CADM2: variants seen among roughly 807,000 people sequenced by gnomAD.
CADM2 encodes immunoglobulin superfamily member 4D.
In CADM2, 12 loss-of-function variants were observed where a neutral mutation model predicts 49.8. The ratio of observed to expected loss-of-function variants is 0.24; its 90% CI spans 0.15 to 0.39. The LOEUF is 0.39. CADM2 is among the 10% of genes least tolerant of loss of function. The probability of loss-of-function intolerance (pLI) is 1.00; values close to 1 mark genes in which losing one functional copy is unlikely to be tolerated. For synonymous variants in CADM2, 214 were observed against 175.4 expected (o/e 1.22, Z -1.74); for missense variants, 378 against 492.3 (o/e 0.77, Z 2.20).
At chr3:85,348,409 C>G (rs1375907304) in intron 1 of CADM2, among the ~76,000 whole-genome samples, 2 of 152,170 alleles carry the variant, frequency 1.3e-5, no homozygotes, top group South Asian at 4.1e-4. Flanking sequence ...TGACCATTGA[C>G]TAAATATCTG....
chr3:85,899,687 A>C (rs953034044), intron 5 of CADM2, among the ~76,000 whole-genome samples: 2 of 152,150 alleles, frequency 1.3e-5, no homozygotes, highest in East Asian at 1.9e-4. Flanking sequence ...ACAGTATTTG[A>C]CTAGGAATTA....
chr3:85,057,306 AT>A (rs147631348), intron 1 of CADM2, among the ~76,000 whole-genome samples: 7,821 of 150,722 alleles, frequency 0.052, 252 homozygotes, highest in African/African-American at 0.076. Context: ...CATTTTCAGA[AT>A]TTTTTTTTTG....
chr3:85,850,628 T>C (rs2075071228), intron 3 of CADM2, among the ~76,000 whole-genome samples: 1 of 152,114 alleles, frequency 6.6e-6, no homozygotes, highest in East Asian at 1.9e-4. Flanking sequence ...GCACCCAGCC[T>C]CAATTCTTGT....
chr3:85,919,590 T>C (rs1311822995), intron 6 of CADM2, among the ~76,000 whole-genome samples: 1 of 151,968 alleles, frequency 6.6e-6, no homozygotes, highest in Non-Finnish European at 1.5e-5. Flanking sequence ...CCTGACCTTC[T>C]TGATGATTAT....
At chr3:85,316,831 G>A (rs1576338319) in intron 1 of CADM2, among the ~76,000 whole-genome samples, 1 of 152,210 alleles carries the variant, frequency 6.6e-6, no homozygotes, top group East Asian at 1.9e-4. Context: ...GCGCGTACAT[G>A]CAGCTAATCT....
intron 3 of CADM2, among the ~76,000 whole-genome samples, chr3:85,834,739 G>GA (rs61595691): frequency 0.11 from 15,883 of 140,274 alleles, 890 homozygotes; most frequent in South Asian, 0.13. Context: ...TCTTCTTGGG[G>GA]AAAAAAAAAA....
chr3:85,229,254 A>T (rs1302599089), intron 1 of CADM2, among the ~76,000 whole-genome samples: 3 of 152,162 alleles, frequency 2.0e-5, no homozygotes, highest in Admixed American at 2.0e-4. Context: ...CTCGGTGGCC[A>T]TGGGACCCGC....
intron 8 of CADM2, among the ~76,000 whole-genome samples, chr3:86,057,433 T>C (rs1373768064): frequency 6.6e-6 from 1 of 152,142 alleles, no homozygotes; most frequent in African/African-American, 2.4e-5. Context: ...TATAATTTAG[T>C]ATTATGAAGG....
intron 2 of CADM2, among the ~76,000 whole-genome samples, chr3:85,754,279 T>G (rs561401231): frequency 1.3e-5 from 2 of 152,264 alleles, no homozygotes; most frequent in African/African-American, 2.4e-5. Context: ...GAGACTGCCA[T>G]TCCCTGACAC....
intron 1 of CADM2, among the ~76,000 whole-genome samples, chr3:85,036,142 G>T (rs899278402): frequency 6.6e-6 from 1 of 152,002 alleles, no homozygotes; most frequent in African/African-American, 2.4e-5. Context: ...ACCTATGCTT[G>T]GTTTTTGTTT....
intron 1 of CADM2, among the ~76,000 whole-genome samples, chr3:85,697,051 C>T (rs1488140221): frequency 8.1e-6 from 1 of 123,018 alleles, no homozygotes; most frequent in Non-Finnish European, 1.7e-5. Context: ...TGCCATAGCA[C>T]TACCCTACTG....
At chr3:85,034,205 A>C (rs2107338103) in intron 1 of CADM2, among the ~76,000 whole-genome samples, 1 of 152,252 alleles carries the variant, frequency 6.6e-6, no homozygotes. Context: ...TTGTGCTGTC[A>C]AATGCTAGGT....
intron 1 of CADM2, among the ~76,000 whole-genome samples, chr3:85,423,297 G>A (rs904281784): frequency 3.4e-4 from 51 of 152,080 alleles, no homozygotes; most frequent in Non-Finnish European, 1.6e-4. Context: ...CAGGGGAGGG[G>A]TGGTGGTGCG....
chr3:85,723,940 T>C (rs2067597179), intron 1 of CADM2, among the ~76,000 whole-genome samples: 2 of 152,050 alleles, frequency 1.3e-5, no homozygotes, highest in African/African-American at 2.4e-5. Flanking sequence ...AACAAGTCAA[T>C]TTATTGATGC....
At chr3:85,324,130 A>G (rs997352050) in intron 1 of CADM2, among the ~76,000 whole-genome samples, 2 of 152,222 alleles carry the variant, frequency 1.3e-5, no homozygotes, top group African/African-American at 4.8e-5. Flanking sequence ...CAATAAAGAA[A>G]TTAGCACTCA....
intron 1 of CADM2, among the ~76,000 whole-genome samples, chr3:85,352,587 T>G (rs1266847269): frequency 6.6e-6 from 1 of 152,134 alleles, no homozygotes; most frequent in Non-Finnish European, 1.5e-5. Context: ...CAGAGTTGGT[T>G]ACGAGGTGGT....
At chr3:85,310,182 C>A (rs1490353589) in intron 1 of CADM2, among the ~76,000 whole-genome samples, 1 of 152,124 alleles carries the variant, frequency 6.6e-6, no homozygotes, top group Non-Finnish European at 1.5e-5. Flanking sequence ...ATTTATTCTT[C>A]TTTTCTTGTT....
chr3:86,064,854 A>G (rs933279256), intron 8 of CADM2, among the ~76,000 whole-genome samples: 6 of 152,194 alleles, frequency 3.9e-5, no homozygotes, highest in African/African-American at 1.4e-4. Context: ...GTCTCTTTCC[A>G]ATCACTTTCT....
intron 1 of CADM2, among the ~76,000 whole-genome samples, chr3:85,558,099 G>A (rs1238427259): frequency 1.3e-5 from 2 of 151,908 alleles, no homozygotes; most frequent in South Asian, 2.1e-4. Context: ...TCCTTGATGT[G>A]TGTGAGTCTG....
Sources: allele counts gnomAD v4.1 joint callset (sites outside exome capture counted in the v4.1 genomes callset), GRCh38; gene constraint gnomAD v4.1.1; transcripts MANE v1.5; gene names NCBI Gene and HGNC (gene_info 2026-07-23, HGNC 2026-07-21).